The following GPC5 variants were observed in gnomAD, a reference collection of about 807,000 sequenced individuals.
GPC5 encodes glypican-5.
GPC5 carries 47 observed loss-of-function variants against 53.9 expected under a neutral mutation model. That is an observed-to-expected ratio of 0.87 (90% CI 0.69 to 1.11). The LOEUF (loss-of-function observed/expected upper bound fraction) is 1.11, where lower values mean the gene tolerates loss of function less well. GPC5 is among the 50% of genes most tolerant of loss of function. The pLI, the probability that GPC5 is intolerant of heterozygous loss-of-function variation, is 0.00. For synonymous variants in GPC5, 286 were observed against 263.3 expected, an observed-to-expected ratio of 1.09 and a Z score of -0.84; for missense variants, 748 against 713.1, an observed-to-expected ratio of 1.05 and a Z score of -0.56.
At chr13:92,327,325 C>T (rs2043258732) in intron 7 of GPC5, among the ~76,000 whole-genome samples, 2 of 152,172 alleles carry the variant, frequency 1.3e-5, no homozygotes, top group African/African-American at 4.8e-5. Flanking sequence ...CTGTAAAATA[C>T]TTTCAACTCT....
chr13:91,814,721 T>G (rs1160973570), intron 5 of GPC5, among the ~76,000 whole-genome samples: 1 of 151,916 alleles, frequency 6.6e-6, no homozygotes, highest in African/African-American at 2.4e-5. Context: ...TTATATTTTT[T>G]GTAGAGATGG....
intron 3 of GPC5, among the ~76,000 whole-genome samples, chr13:91,719,724 T>C (rs958683588): frequency 2.0e-5 from 3 of 152,240 alleles, no homozygotes; most frequent in African/African-American, 4.8e-5. Flanking sequence ...GATGGACTTA[T>C]GGGTGTTTTT....
intron 7 of GPC5, among the ~76,000 whole-genome samples, chr13:92,492,871 A>C (rs141058220): frequency 1.9e-3 from 288 of 152,338 alleles, no homozygotes; most frequent in Middle Eastern, 3.4e-3. Flanking sequence ...TGACTGTCTC[A>C]AAATTCTCCT....
chr13:92,672,284 A>T (rs1431175324), intron 7 of GPC5, among the ~76,000 whole-genome samples: 2 of 152,166 alleles, frequency 1.3e-5, no homozygotes, highest in Non-Finnish European at 2.9e-5. Context: ...AATTTTCAAA[A>T]CTGTCTGTTC....
At chr13:91,574,718 G>A (rs568892570) in intron 2 of GPC5, among the ~76,000 whole-genome samples, 9 of 152,166 alleles carry the variant, frequency 5.9e-5, no homozygotes, top group African/African-American at 2.2e-4. Flanking sequence ...TGCCATGAAA[G>A]TAAAGGGATT....
intron 1 of GPC5, among the ~76,000 whole-genome samples, chr13:91,431,495 C>A (rs1879446044): frequency 6.6e-6 from 1 of 152,186 alleles, no homozygotes; most frequent in Admixed American, 6.6e-5. Flanking sequence ...CCTTCCATTT[C>A]TCTACTTCAT....
intron 7 of GPC5, among the ~76,000 whole-genome samples, chr13:92,383,742 G>T (rs1193550386): frequency 6.6e-6 from 1 of 152,090 alleles, no homozygotes; most frequent in Non-Finnish European, 1.5e-5. Flanking sequence ...ATCAATTAAT[G>T]ACTCATGTCC....
At chr13:92,187,112 CA>C (rs56963503) in intron 7 of GPC5, among the ~76,000 whole-genome samples, 45,215 of 138,328 alleles carry the variant, frequency 0.33, 7,532 homozygotes, top group East Asian at 0.67. Flanking sequence ...AACTCCATCT[CA>C]AAAAAAAAAA....
chr13:92,230,441 A>G (rs1433928140), intron 7 of GPC5, among the ~76,000 whole-genome samples: 1 of 152,134 alleles, frequency 6.6e-6, no homozygotes, highest in Non-Finnish European at 1.5e-5. Flanking sequence ...AAATTTAAAT[A>G]ATCAACACTG....
chr13:92,629,633 T>G (rs535852041), intron 7 of GPC5, among the ~76,000 whole-genome samples: 211 of 152,308 alleles, frequency 1.4e-3, no homozygotes, highest in Admixed American at 6.9e-3. Context: ...AATATTAAAG[T>G]ACAGAGTATC....
At chr13:92,081,303 T>G (rs1428149314) in intron 6 of GPC5, among the ~76,000 whole-genome samples, 1 of 152,104 alleles carries the variant, frequency 6.6e-6, no homozygotes, top group South Asian at 2.1e-4. Context: ...GGCTTCACCA[T>G]GTTGGCCAGG....
chr13:92,421,720 A>T (rs1876577763), intron 7 of GPC5, among the ~76,000 whole-genome samples: 1 of 134,604 alleles, frequency 7.4e-6, no homozygotes, highest in African/African-American at 2.7e-5. Flanking sequence ...AAAAAAAAAA[A>T]GTTTAATTGG....
chr13:92,319,410 T>C (rs374878037), intron 7 of GPC5, among the ~76,000 whole-genome samples: 1 of 108,770 alleles, frequency 9.2e-6, no homozygotes, highest in Non-Finnish European at 2.0e-5. Context: ...TCTCTGAAAC[T>C]AAAAAAAAAA....
At chr13:92,756,349 C>G (rs1277650842) in intron 7 of GPC5, among the ~76,000 whole-genome samples, 1 of 151,972 alleles carries the variant, frequency 6.6e-6, no homozygotes, top group Non-Finnish European at 1.5e-5. Context: ...TAAGAGCTAT[C>G]TATGACAAAC....
intron 1 of GPC5, among the ~76,000 whole-genome samples, chr13:91,424,273 C>T (rs1878852321): frequency 6.6e-6 from 1 of 151,074 alleles, no homozygotes; most frequent in South Asian, 2.1e-4. Context: ...TCATGACATT[C>T]CTTGACCTTC....
In GPC5 at chr13:91,578,459, G is replaced by T. The variant is rs531466114; in HGVS notation, c.326-114728G>T. ...TTTGTCATTTTAGCACCCTCTCATAGAAGAGAGTTATTGGTAATTTCCCAG... is the reference window on the plus strand; with the variant it reads ...TTTGTCATTTTAGCACCCTCTCATATAAGAGAGTTATTGGTAATTTCCCAG... On this transcript the variant is annotated intron_variant, in intron 2 of 7. Transcript: ENST00000377067. Among the ~76,000 whole-genome samples, 6 of 152,222 alleles carry T rather than the reference G, an allele frequency of 3.9e-5. No individual in the cohort carries two copies. The South Asian group carries it at 1.2e-3, about 32-fold the overall frequency.
At chr13:92,069,273 G>T (rs1425281014) in intron 6 of GPC5, among the ~76,000 whole-genome samples, 2 of 151,988 alleles carry the variant, frequency 1.3e-5, no homozygotes, top group Non-Finnish European at 2.9e-5. Flanking sequence ...TAGTTTGATA[G>T]AAAATTTTCT....
chr13:92,822,034 G>A (rs185467520), intron 7 of GPC5, among the ~76,000 whole-genome samples: 9 of 152,158 alleles, frequency 5.9e-5, no homozygotes, highest in Admixed American at 2.0e-4. Context: ...AAATCTCATC[G>A]ACTCTGGGGC....
At chr13:92,349,270 A>G (rs1423670205) in intron 7 of GPC5, among the ~76,000 whole-genome samples, 2 of 152,032 alleles carry the variant, frequency 1.3e-5, no homozygotes, top group African/African-American at 2.4e-5. Context: ...CAGCCTCCCA[A>G]GTAGCTGGGA....
Sources: allele counts gnomAD v4.1 joint callset (sites outside exome capture counted in the v4.1 genomes callset), GRCh38; gene constraint gnomAD v4.1.1; transcripts MANE v1.5; gene names NCBI Gene and HGNC (gene_info 2026-07-23, HGNC 2026-07-21).